Variants in ATAD2B observed in about 807,000 individuals in gnomAD.
ATAD2B encodes the protein ATPase family AAA domain-containing protein 2B.
In ATAD2B, 40 loss-of-function variants were observed where a neutral mutation model predicts 167.6. The ratio of observed to expected loss-of-function variants is 0.24; its 90% CI spans 0.19 to 0.31. The LOEUF is 0.31. ATAD2B is among the 10% of genes least tolerant of loss of function. The pLI is 1.00. For synonymous variants in ATAD2B, 579 were observed against 596.5 expected (o/e 0.97, Z 0.43); for missense variants, 1,242 against 1,757.2 (o/e 0.71, Z 5.24).
At chr2:23,836,126 C>T (rs370012207) in intron 13 of ATAD2B, among the ~76,000 whole-genome samples, 60 of 152,202 alleles carry the variant, frequency 3.9e-4, no homozygotes, top group African/African-American at 1.4e-3. Context: ...CCATGCCTGC[C>T]AGGGGCAAGC....
chr2:23,888,288 T>G, intron 3 of ATAD2B, 62 bp downstream of exon 3: 1 of 1,182,906 alleles, frequency 8.5e-7, no homozygotes, highest in Non-Finnish European at 1.2e-6. Flanking sequence ...TTCCCCACTT[T>G]ACTGCTTTCT....
chr2:23,823,861 TG>T (rs1377963642), intron 15 of ATAD2B, among the ~76,000 whole-genome samples: 3 of 151,924 alleles, frequency 2.0e-5, no homozygotes, highest in African/African-American at 7.2e-5. Context: ...AATATGTCCT[TG>T]ATATGAGCTT....
intron 8 of ATAD2B, chr2:23,872,752 G>T: frequency 1.0e-6 from 1 of 985,052 alleles, no homozygotes. Flanking sequence ...GCTCACTGAG[G>T]CACCAAGTCC....
At chr2:23,681,444 T>C in the ATAD2B span, among the ~76,000 whole-genome samples, 1 of 152,156 alleles carries the variant, frequency 6.6e-6, no homozygotes, top group Non-Finnish European at 1.5e-5. The surrounding 1 kb of genome is among the most constrained non-coding windows in gnomAD (Gnocchi z 4.2). Flanking sequence ...GATAGAATCA[T>C]TGCCGGGACC....
At chr2:23,869,802 C>T (rs1244501292) in intron 8 of ATAD2B, 41 bp from the exon 9 acceptor site, 2 of 1,343,566 alleles carry the variant, frequency 1.5e-6, no homozygotes, top group South Asian at 2.7e-5. Context: ...ATTATAATAG[C>T]AAACAACTTT....
At chr2:23,715,893 T>G in the ATAD2B span, among the ~76,000 whole-genome samples, 2 of 152,236 alleles carry the variant, frequency 1.3e-5, no homozygotes, top group Admixed American at 6.5e-5. Flanking sequence ...AGCTTACTGA[T>G]GTTTCCATTA....
intron 1 of ATAD2B, among the ~76,000 whole-genome samples, chr2:23,898,037 T>C (rs1390232226): frequency 6.6e-6 from 1 of 152,216 alleles, no homozygotes; most frequent in African/African-American, 2.4e-5. Flanking sequence ...CTCTGCCTCC[T>C]GGACTCAAGC....
intron 13 of ATAD2B, among the ~76,000 whole-genome samples, chr2:23,851,702 A>C (rs920378425): frequency 6.6e-6 from 1 of 152,108 alleles, no homozygotes; most frequent in Non-Finnish European, 1.5e-5. Context: ...ATGTGGATCC[A>C]CTCTTACAGT....
Position 23,926,584 on chromosome 2 carries a change from C to T in ATAD2B, c.187G>A (p.Gly63Ser), listed in dbSNP as rs755538184. 1.3e-6 allele frequency: 2 copies of T among 1,556,858 alleles called. No individual in the cohort carries two copies. The highest frequency in any genetic ancestry group is 1.7e-6 in the Non-Finnish European group (2 of 1,151,974). Reference protein sequence around the residue: ...CPAAKAGGSGGAGVTLDEARK... With the variant: ...CPAAKAGGSGSAGVTLDEARK... Reference sequence around the variant, plus strand: ...GCCTCATCCAGAGTGACGCCGGCGCCACCGCTTCCCCCGGCTTTGGCGGCG... The same window carrying T: ...GCCTCATCCAGAGTGACGCCGGCGCTACCGCTTCCCCCGGCTTTGGCGGCG... Residue 63 changes from glycine (G) to serine (S), a missense_variant, in exon 1 of 28, where the codon GGC becomes AGC. Transcript: ENST00000238789.
chr2:23,816,266 T>C (rs957669996), intron 17 of ATAD2B, among the ~76,000 whole-genome samples: 4 of 152,226 alleles, frequency 2.6e-5, no homozygotes, highest in African/African-American at 9.6e-5. Context: ...GTTAAATGTA[T>C]ACACTCTTTG....
the ATAD2B span, among the ~76,000 whole-genome samples, chr2:23,698,321 T>C: frequency 6.6e-6 from 1 of 152,206 alleles, no homozygotes; most frequent in African/African-American, 2.4e-5. Context: ...TGAAGACCCC[T>C]GGGCAGTGTG....
At chr2:23,757,317 T>A in intron 25 of ATAD2B, 101 bp downstream of exon 25, 1 of 885,696 alleles carries the variant, frequency 1.1e-6, no homozygotes, top group South Asian at 2.5e-5. Flanking sequence ...CAGAGGGGTA[T>A]AATTATTCAT....
chr2:23,685,898 A>G, the ATAD2B span, among the ~76,000 whole-genome samples: 3 of 152,156 alleles, frequency 2.0e-5, no homozygotes, highest in South Asian at 4.2e-4. Context: ...CTGGCTCCAA[A>G]CCAGCTAGAG....
chr2:23,765,749 G>A, intron 22 of ATAD2B, 121 bp from the exon 23 acceptor site: 1 of 606,594 alleles, frequency 1.6e-6, no homozygotes, highest in Non-Finnish European at 2.5e-6. Flanking sequence ...GTGAGAAAAA[G>A]TTTATTTAAA....
rs566875681 is a variant in ATAD2B at position 23,893,932 on chromosome 2, G to A, written c.368+1887C>T. ...TCCTGCCTTGGCCTCCCAAAGTTCTGGGATTACAGGCATGAGCCACATGCC... is the reference window on the plus strand; with the variant it reads ...TCCTGCCTTGGCCTCCCAAAGTTCTAGGATTACAGGCATGAGCCACATGCC... On this transcript the variant is annotated intron_variant, in intron 2 of 27. Transcript: ENST00000238789. Among the ~76,000 whole-genome samples the A allele has an allele frequency of 1.4e-4, 21 of 151,920 alleles. No individual in the cohort carries two copies. The East Asian group carries it at 3.7e-3, about 27-fold the overall frequency.
chr2:23,892,497 A>C (rs185578015), intron 2 of ATAD2B, among the ~76,000 whole-genome samples: 1,723 of 139,712 alleles, frequency 0.012, 20 homozygotes, highest in Non-Finnish European at 0.02. Flanking sequence ...TTTAAGACAG[A>C]GTCTCACTCT....
At chr2:23,802,918 T>G (rs2149484483) in intron 18 of ATAD2B, among the ~76,000 whole-genome samples, 1 of 152,260 alleles carries the variant, frequency 6.6e-6, no homozygotes, top group East Asian at 1.9e-4. Flanking sequence ...CTTATTCACC[T>G]TTTGAAATTA....
chr2:23,743,994 G>A (rs918016356), downstream of ATAD2B, among the ~76,000 whole-genome samples: 1 of 152,032 alleles, frequency 6.6e-6, no homozygotes, highest in Non-Finnish European at 1.5e-5. Context: ...GTACAAGAAA[G>A]GAAACATCAT....
At chr2:23,864,776 A>C (rs953034041) in intron 11 of ATAD2B, 33 bp downstream of exon 11, 1 of 1,019,866 alleles carries the variant, frequency 9.8e-7, no homozygotes, top group Non-Finnish European at 1.4e-6. Flanking sequence ...AGTAACAGTA[A>C]TAACAATAAT....
Sources: allele counts gnomAD v4.1 joint callset (sites outside exome capture counted in the v4.1 genomes callset), GRCh38; gene constraint gnomAD v4.1.1; non-coding constraint Gnocchi (gnomAD v3.1); transcripts MANE v1.5; gene names NCBI Gene and HGNC (gene_info 2026-07-23, HGNC 2026-07-21).